The following MRC1 variants were observed in gnomAD, a reference collection of about 807,000 sequenced individuals.
MRC1 encodes the protein mannose receptor C-type 1, also known as macrophage mannose receptor 1.
A neutral mutation model predicts 102.9 loss-of-function variants in MRC1; 62 were observed. The ratio of observed to expected loss-of-function variants is 0.60; its 90% CI spans 0.49 to 0.74. The LOEUF is 0.74. MRC1 is among the 30% of genes least tolerant of loss of function. The pLI, the probability that MRC1 is intolerant of heterozygous loss-of-function variation, is 0.00. For synonymous variants in MRC1, 457 were observed against 298.4 expected, an observed-to-expected ratio of 1.53 and a Z score of -5.48; for missense variants, 1,237 against 862.8, an observed-to-expected ratio of 1.43 and a Z score of -5.43.
intron 17 of MRC1, among the ~76,000 whole-genome samples, chr10:17,876,118 T>C (rs1248045499): frequency 6.6e-6 from 1 of 152,214 alleles, no homozygotes; most frequent in East Asian, 1.9e-4. Context: ...GTAGAATTTC[T>C]AATTATGTGC....
chr10:17,869,067 G>T (rs1222169576), intron 12 of MRC1, among the ~76,000 whole-genome samples: 2 of 152,244 alleles, frequency 1.3e-5, no homozygotes, highest in South Asian at 2.1e-4. Flanking sequence ...GCAGAGAAGG[G>T]TATCAGGGGC....
chr10:17,869,143 G>A (rs1382636387), intron 12 of MRC1, among the ~76,000 whole-genome samples: 1 of 152,162 alleles, frequency 6.6e-6, no homozygotes, highest in Non-Finnish European at 1.5e-5. Flanking sequence ...TAGAAATTAG[G>A]TGGTTTTACA....
intron 2 of MRC1, among the ~76,000 whole-genome samples, chr10:17,824,836 C>A (rs886676906): frequency 6.6e-6 from 1 of 151,910 alleles, no homozygotes; most frequent in Non-Finnish European, 1.5e-5. Context: ...CACCCCCTAC[C>A]CTTTCTGTTT....
At chr10:17,843,509 T>C (rs987439878) in intron 5 of MRC1, among the ~76,000 whole-genome samples, 3 of 151,884 alleles carry the variant, frequency 2.0e-5, no homozygotes, top group African/African-American at 7.3e-5. Context: ...ATACTAAAAA[T>C]ACAAAAATTA....
intron 5 of MRC1, among the ~76,000 whole-genome samples, chr10:17,842,543 AATAC>A (rs1838767641): frequency 6.6e-6 from 1 of 152,200 alleles, no homozygotes; most frequent in Non-Finnish European, 1.5e-5. Context: ...ACTGCAAGGG[AATAC>A]ATATAAAATA....
intron 7 of MRC1, among the ~76,000 whole-genome samples, chr10:17,852,122 C>T (rs1838926338): frequency 6.6e-6 from 1 of 152,152 alleles, no homozygotes; most frequent in African/African-American, 2.4e-5. Context: ...CTTAAACCTT[C>T]ATTGACTTTA....
chr10:17,898,257 C>T lies in MRC1; in HGVS notation c.3474C>T (p.Asn1158=), dbSNP rs1833782362. 1.3e-6 allele frequency: 1 copy of T among 780,746 alleles called. No individual in the cohort carries two copies. Among genetic ancestry groups the T allele is most frequent in the African/African-American group, 1.7e-5 (1 of 59,212 alleles). The allele number at this position is 780,746 out of a possible 1,614,324, so 48.4% of individuals were successfully genotyped here. A position where few individuals can be genotyped will look rare whatever the true frequency, so the allele number is the denominator to read the frequency against. Residue 1158 remains asparagine, a synonymous_variant, in exon 24 of 30, where the codon AAC becomes AAT. Coordinates refer to ENST00000569591, the MANE Select transcript of MRC1 (RefSeq NM_002438.4). ...ATGAACGTGTGTGGATCGCCCTGAACAGTAACTTGGTAAGATGCTGGAAAT... is the reference window on the plus strand; with the variant it reads ...ATGAACGTGTGTGGATCGCCCTGAATAGTAACTTGGTAAGATGCTGGAAAT... ...TSNERVWIAL[N]SNLTDNQYTW...
chr10:17,900,650 T>C lies in MRC1; in HGVS notation c.3484-138T>C. The stretch of plus-strand genomic sequence containing the variant: ...TTGAGTTGACAGAAATGATTTATAG[T>C]GTTCTTTTTATTCTCAAATGTTCCA... On this transcript the variant is annotated intron_variant, in intron 24 of 29. Coordinates refer to ENST00000569591, the MANE Select transcript of MRC1 (RefSeq NM_002438.4). The C allele has an allele frequency of 4.1e-6, 3 of 724,634 alleles. No individual in the cohort carries two copies. The South Asian group carries it at 4.8e-5, about 12-fold the overall frequency. 44.9% of individuals were successfully genotyped at this position (724,634 alleles called of 1,614,324 possible). A position where few individuals can be genotyped will look rare whatever the true frequency, so the allele number is the denominator to read the frequency against.
Position 17,881,109 on chromosome 10 carries a change from T to A in MRC1, c.2908T>A (p.Trp970Arg), listed in dbSNP as rs1589190121. ...ATTTATGGAAGAAGAAAGAAAAAATTGGCAAGAGGCACGAAAAGCTTGTAT... is the reference window on the plus strand; with the variant it reads ...ATTTATGGAAGAAGAAAGAAAAAATAGGCAAGAGGCACGAAAAGCTTGTAT... ...FGFMEEERKNWQEARKACIGF... is the reference protein window; with the variant it reads ...FGFMEEERKNRQEARKACIGF... The change falls in exon 21 of 30, where the codon TGG becomes AGG. Residue 970 changes from tryptophan (W) to arginine (R), a missense_variant. Transcript: ENST00000569591. 1.3e-6 allele frequency: 1 copy of A among 780,654 alleles called. No homozygotes were observed. Among genetic ancestry groups the A allele is most frequent in the African/African-American group, 1.7e-5 (1 of 59,136 alleles). 48.4% of individuals were successfully genotyped at this position (780,654 alleles called of 1,614,324 possible).
intron 1 of MRC1, among the ~76,000 whole-genome samples, chr10:17,812,240 G>T (rs945025375): frequency 6.6e-6 from 1 of 152,040 alleles, no homozygotes; most frequent in African/African-American, 2.4e-5. Flanking sequence ...TGTTCTTGCC[G>T]CACTATCTTT....
intron 8 of MRC1, among the ~76,000 whole-genome samples, chr10:17,855,655 A>C (rs1300177159): frequency 2.6e-5 from 4 of 151,024 alleles, no homozygotes; most frequent in Non-Finnish European, 4.4e-5. Context: ...AGACATTTTT[A>C]ATTTCTCCCT....
intron 4 of MRC1, among the ~76,000 whole-genome samples, chr10:17,840,186 A>G (rs1188072761): frequency 6.6e-6 from 1 of 152,054 alleles, no homozygotes; most frequent in Non-Finnish European, 1.5e-5. Flanking sequence ...AATTGGAAAC[A>G]TTGTATTTTT....
chr10:17,816,634 G>A (rs1179316263), intron 1 of MRC1, among the ~76,000 whole-genome samples: 3 of 152,184 alleles, frequency 2.0e-5, no homozygotes, highest in Non-Finnish European at 4.4e-5. Flanking sequence ...GCGTGGTGCT[G>A]GCGTTTGGGA....
chr10:17,896,620 C>T (rs2130712505), intron 23 of MRC1, among the ~76,000 whole-genome samples: 1 of 152,242 alleles, frequency 6.6e-6, no homozygotes, highest in Non-Finnish European at 1.5e-5. Context: ...AAAAAGGTAG[C>T]ATATAAACTT....
intron 26 of MRC1, among the ~76,000 whole-genome samples, chr10:17,906,298 C>CT (rs1184231740): frequency 0.25 from 34,670 of 136,202 alleles, 4,497 homozygotes; most frequent in African/African-American, 0.29. Context: ...TAACCCATGT[C>CT]TTTTTTTTTT....
chr10:17,891,461 C>T (rs1212392351), intron 22 of MRC1, among the ~76,000 whole-genome samples: 5 of 152,034 alleles, frequency 3.3e-5, no homozygotes, highest in Admixed American at 1.3e-4. Context: ...CCATTGCGCC[C>T]GGTGCTCATT....
Position 17,827,537 on chromosome 10 carries a change from T to C in MRC1, c.464-5T>C, listed in dbSNP as rs553956423. On this transcript the variant is annotated splice_region_variant and splice_polypyrimidine_tract_variant and intron_variant, in intron 2 of 29. Transcript: ENST00000569591. ...TTCCAAGTTCAAGTCAATATGTTTT[T>C]CCAGCCATGTATACGCTACTAGGCA... The C allele has an allele frequency of 1.3e-6, 1 of 780,848 alleles. No individual in the cohort carries two copies. Among genetic ancestry groups the C allele is most frequent in the Admixed American group, 1.7e-5 (1 of 59,022 alleles). 48.4% of individuals were successfully genotyped at this position (780,848 alleles called of 1,614,324 possible). A position where few individuals can be genotyped will look rare whatever the true frequency, so the allele number is the denominator to read the frequency against.
chr10:17,871,030 T>A (rs1178444775), intron 14 of MRC1, 95 bp downstream of exon 14: 24 of 785,180 alleles, frequency 3.1e-5, no homozygotes, highest in Non-Finnish European at 5.5e-5. Flanking sequence ...AATAAGACAG[T>A]TCATTATGAT....
intron 1 of MRC1, among the ~76,000 whole-genome samples, chr10:17,811,617 G>T (rs1461497076): frequency 6.6e-6 from 1 of 152,150 alleles, no homozygotes; most frequent in East Asian, 1.9e-4. Flanking sequence ...CTGGAGTGCA[G>T]TGGTGTGATC....
Sources: gnomAD v4.1 joint callset for allele counts (sites outside exome capture counted in the v4.1 genomes callset) on GRCh38, gnomAD v4.1.1 for gene constraint, MANE v1.5 for transcripts, NCBI Gene and HGNC (gene_info 2026-07-23, HGNC 2026-07-21) for gene names.